The following RYR2 variants were observed in gnomAD, a reference collection of about 807,000 sequenced individuals.
RYR2 encodes the protein cardiac muscle ryanodine receptor-calcium release channel.
Under a neutral mutation model 601.1 loss-of-function variants are expected in RYR2, and 227 were observed. The ratio of observed to expected loss-of-function variants is 0.38; its 90% CI spans 0.34 to 0.42. RYR2 has a LOEUF of 0.42. Among genes scored for constraint, RYR2 ranks in the 10% least tolerant of loss-of-function variants. The pLI is 1.00. For missense variants in RYR2, 4,646 were observed against 6,156.5 expected (o/e 0.75, Z 8.21); for synonymous variants, 2,223 against 2,175.1 (o/e 1.02, Z -0.61).
chr1:237,486,857 A>T (rs1045456388), intron 17 of RYR2, among the ~76,000 whole-genome samples: 1 of 152,172 alleles, frequency 6.6e-6, no homozygotes, highest in Admixed American at 6.5e-5. Flanking sequence ...ATTTTATACA[A>T]ATGAATATAT....
chr1:237,470,968 G>A (rs1660658000), intron 17 of RYR2, among the ~76,000 whole-genome samples: 1 of 152,166 alleles, frequency 6.6e-6, no homozygotes, highest in Non-Finnish European at 1.5e-5. Flanking sequence ...CTGCACCAGA[G>A]TGCACCAGAT....
intron 98 of RYR2, among the ~76,000 whole-genome samples, chr1:237,803,502 A>G (rs2794822): frequency 0.4 from 60,066 of 151,758 alleles, 12,485 homozygotes; most frequent in East Asian, 0.66. Context: ...GGGTTTCACC[A>G]TGTTAGCCAG....
chr1:237,222,281 C>T (rs1683885296), intron 1 of RYR2, among the ~76,000 whole-genome samples: 1 of 151,898 alleles, frequency 6.6e-6, no homozygotes, highest in Non-Finnish European at 1.5e-5. Flanking sequence ...GGCGTGGTGG[C>T]AGGCGCCTGT....
At chr1:237,046,255 T>C (rs1373509383) in intron 1 of RYR2, among the ~76,000 whole-genome samples, 1 of 152,188 alleles carries the variant, frequency 6.6e-6, no homozygotes, top group Non-Finnish European at 1.5e-5. Flanking sequence ...GGAAGGTTAA[T>C]GGTATGAAGT....
chr1:237,633,979 G>A (rs1455355545), intron 43 of RYR2, among the ~76,000 whole-genome samples: 2 of 152,126 alleles, frequency 1.3e-5, no homozygotes, highest in Non-Finnish European at 2.9e-5. Context: ...TGGCGAGGGT[G>A]TGGGGAAAAG....
chr1:237,406,076 G>A (rs1353490219), intron 10 of RYR2, among the ~76,000 whole-genome samples: 1 of 151,008 alleles, frequency 6.6e-6, no homozygotes, highest in Non-Finnish European at 1.5e-5. Context: ...AGCTCCAGGA[G>A]TGAACCCAAA....
At chr1:237,461,950 T>C (rs773327426) in intron 16 of RYR2, among the ~76,000 whole-genome samples, 1 of 152,126 alleles carries the variant, frequency 6.6e-6, no homozygotes, top group Non-Finnish European at 1.5e-5. Context: ...AATTTTGACA[T>C]GCAAAATACT....
chr1:237,665,450 A>G (rs1485983418), intron 56 of RYR2, among the ~76,000 whole-genome samples: 3 of 151,904 alleles, frequency 2.0e-5, no homozygotes, highest in Admixed American at 2.0e-4. Context: ...AATTTAACAG[A>G]GTTTAATTGA....
rs4659810 is a variant in RYR2, at chr1:237,819,929, G to A, written c.14590+737G>A. 0.44 allele frequency among the ~76,000 whole-genome samples: 67,202 copies of A among 151,686 alleles called. 16,558 individuals carry two copies. The highest frequency in any genetic ancestry group is 0.68 in the African/African-American group (27,996 of 41,282). ...AGGCCAGGCGCAGGGGCTCACGCCT[G>A]TAATCCCAGCACTTTGAGAGACTGA... On this transcript the variant is annotated intron_variant, in intron 101 of 104. Transcript: ENST00000366574. This position sits in a 1 kb window ranked among gnomAD's most constrained non-coding sequence, Gnocchi z 4.0.
chr1:237,051,366 C>T (rs1002568231), intron 1 of RYR2, among the ~76,000 whole-genome samples: 2 of 141,478 alleles, frequency 1.4e-5, no homozygotes, highest in African/African-American at 5.2e-5. Context: ...CCTCTTCTCT[C>T]CTCGGGGCTC....
At chr1:237,656,687 C>T (rs1683277758) in intron 53 of RYR2, among the ~76,000 whole-genome samples, 2 of 152,152 alleles carry the variant, frequency 1.3e-5, no homozygotes, top group Non-Finnish European at 2.9e-5. Context: ...AAGGTAGACA[C>T]TTGGTAGTTA....
chr1:237,656,931 AG>A (rs1315164736), intron 53 of RYR2, among the ~76,000 whole-genome samples: 5 of 152,204 alleles, frequency 3.3e-5, no homozygotes, highest in Admixed American at 3.3e-4. Context: ...TCTCTTCCGA[AG>A]TAAGTAAACC....
chr1:237,624,889 A>C (rs1367881105), intron 39 of RYR2, among the ~76,000 whole-genome samples: 1 of 152,136 alleles, frequency 6.6e-6, no homozygotes, highest in Non-Finnish European at 1.5e-5. Context: ...TGAAGATAAT[A>C]AAAACACCAC....
chr1:237,347,509 G>C lies in RYR2; in HGVS notation c.274-8456G>C, dbSNP rs540166485. On this transcript the variant is annotated intron_variant, in intron 3 of 104. Coordinates refer to ENST00000366574, the MANE Select transcript of RYR2 (RefSeq NM_001035.3). ...TATAATGTGGATTTCATTTAATTCT[G>C]TCCTAAATGACAGTTTGACGACATA... Among the ~76,000 whole-genome samples, 4 of 152,178 alleles carry C rather than the reference G, an allele frequency of 2.6e-5. No homozygotes were observed. In the East Asian group the frequency reaches 7.7e-4, roughly 29 times the overall value.
intron 1 of RYR2, among the ~76,000 whole-genome samples, chr1:237,188,497 T>C (rs1173491113): frequency 6.6e-6 from 1 of 152,234 alleles, no homozygotes. Flanking sequence ...TTAAATGAGA[T>C]AATACATGTA....
At chr1:237,728,560 A>G (rs1690397425) in intron 76 of RYR2, among the ~76,000 whole-genome samples, 1 of 152,144 alleles carries the variant, frequency 6.6e-6, no homozygotes, top group African/African-American at 2.4e-5. Flanking sequence ...TAGACTGGAT[A>G]AAGAAAAAGT....
intron 58 of RYR2, 86 bp downstream of exon 58, chr1:237,668,044 CTTA>C: frequency 4.0e-6 from 4 of 988,944 alleles, no homozygotes; most frequent in Admixed American, 5.5e-5. Context: ...AGCACAACAG[CTTA>C]TTATAACTTT....
intron 1 of RYR2, among the ~76,000 whole-genome samples, chr1:237,070,104 C>A (rs575414708): frequency 2.9e-4 from 43 of 150,546 alleles, no homozygotes; most frequent in African/African-American, 1.1e-3. Context: ...GATCATGGCT[C>A]ACTGCAGCCT....
chr1:237,659,793 T>C (rs555846513), intron 54 of RYR2, among the ~76,000 whole-genome samples, 192 bp from the exon 55 acceptor site: 43 of 152,328 alleles, frequency 2.8e-4, no homozygotes, highest in African/African-American at 1.0e-3. Context: ...TCCCTGAATC[T>C]GAAATTTAAA....
Sources: gnomAD v4.1 joint callset for allele counts (sites outside exome capture counted in the v4.1 genomes callset) on GRCh38, gnomAD v4.1.1 for gene constraint, Gnocchi (gnomAD v3.1) non-coding constraint, MANE v1.5 for transcripts, NCBI Gene and HGNC (gene_info 2026-07-23, HGNC 2026-07-21) for gene names.